KMO: variants seen among roughly 807,000 people sequenced by gnomAD.
The protein encoded by KMO is kynurenine 3-hydroxylase.
In KMO, 24 loss-of-function variants were observed where a neutral mutation model predicts 57.8. The observed-to-expected ratio is 0.42, with a 90% CI of 0.30 to 0.58. The LOEUF (loss-of-function observed/expected upper bound fraction) is 0.58. Ranked by LOEUF, KMO falls within the 20% of genes least tolerant of loss-of-function variation. KMO has a pLI of 0.22. For synonymous variants in KMO, 210 were observed against 193.6 expected (o/e 1.08, Z -0.70); for missense variants, 483 against 588.2 (o/e 0.82, Z 1.85).
chr1:241,589,444 T>C (rs988653396), intron 12 of KMO, among the ~76,000 whole-genome samples: 2 of 152,220 alleles, frequency 1.3e-5, no homozygotes, highest in East Asian at 1.9e-4. Context: ...GACCAGCTAT[T>C]TGCCATCTCT....
intron 1 of KMO, among the ~76,000 whole-genome samples, chr1:241,541,148 G>A (rs925224278): frequency 7.2e-5 from 11 of 152,064 alleles, no homozygotes; most frequent in East Asian, 3.9e-4. Flanking sequence ...ATTAGAAAAC[G>A]GTTGCAGTAG....
At chr1:241,587,502 G>T (rs1190979102) in intron 11 of KMO, among the ~76,000 whole-genome samples, 1 of 152,062 alleles carries the variant, frequency 6.6e-6, no homozygotes, top group Non-Finnish European at 1.5e-5. Context: ...CATCGCCCAG[G>T]CTGAAGTTCA....
intron 10 of KMO, among the ~76,000 whole-genome samples, chr1:241,582,633 G>A (rs1241114196): frequency 6.6e-6 from 1 of 152,028 alleles, no homozygotes; most frequent in Non-Finnish European, 1.5e-5. Flanking sequence ...CAATCTCTTT[G>A]TTAAATTTAT....
rs1186553856 is a variant in KMO at position 241,591,906 on chromosome 1, AT to A, written c.1261-43del. The A allele has an allele frequency of 3.3e-6, 5 of 1,506,438 alleles. No homozygotes were observed. In the South Asian group the frequency reaches 4.6e-5, roughly 14 times the overall value. The allele number at this position is 1,506,438 out of a possible 1,614,324, so 93.3% of individuals were successfully genotyped here. The stretch of plus-strand genomic sequence containing the variant: ...GTTAAAAAATGAAGTCTATTTTCAG[AT>A]TTTAATCTCTGGACAAATGAAATGA... On this transcript the variant is annotated intron_variant, in intron 14 of 14. Coordinates refer to ENST00000366559, the MANE Select transcript of KMO (RefSeq NM_003679.5).
intron 1 of KMO, among the ~76,000 whole-genome samples, chr1:241,546,686 A>G (rs1428541709): frequency 1.3e-5 from 2 of 152,156 alleles, no homozygotes; most frequent in Non-Finnish European, 2.9e-5. Flanking sequence ...TCACTTACAT[A>G]GGGAATATGT....
rs1026587582 is a variant in KMO at position 241,593,214 on chromosome 1, A to G, written c.*1061A>G. 3.2e-5 allele frequency: 8 copies of G among 253,394 alleles called. No individual in the cohort carries two copies. The highest frequency in any genetic ancestry group is 1.7e-4 in the African/African-American group (8 of 45,754). The allele number at this position is 253,394 out of a possible 1,614,324, so 15.7% of individuals were successfully genotyped here. ...AAGGGGAGACAACTTTTATAGAAAT[A>G]CAAAGCCATTACTTTATTCAATTTC... On this transcript the variant is annotated 3_prime_UTR_variant, in exon 15 of 15. Transcript: ENST00000366559.
Position 241,594,971 on chromosome 1 carries a change from C to A in KMO, c.*2818C>A. The A allele has an allele frequency of 3.0e-6, 1 of 330,196 alleles. No individual in the cohort carries two copies. The allele number at this position is 330,196 out of a possible 1,614,324, so 20.5% of individuals were successfully genotyped here. A position where few individuals can be genotyped will look rare whatever the true frequency, so the allele number is the denominator to read the frequency against. ...CACACACTTTCTATGAGGGCAGGTA[C>A]AACTATTAAGAGATTTTGAACATTA... On this transcript the variant is annotated 3_prime_UTR_variant, in exon 15 of 15. Transcript: ENST00000366559.
chr1:241,575,128 T>G (rs1194965222), intron 10 of KMO, among the ~76,000 whole-genome samples: 3 of 152,074 alleles, frequency 2.0e-5, no homozygotes, highest in African/African-American at 7.2e-5. Context: ...CAGTTTCATT[T>G]CTAATTGAGC....
chr1:241,568,399 C>A, intron 9 of KMO, 101 bp from the exon 10 acceptor site: 2 of 1,199,398 alleles, frequency 1.7e-6, no homozygotes, highest in South Asian at 1.4e-5. Context: ...TCTTGTTTTT[C>A]AACAAAACTT....
intron 10 of KMO, among the ~76,000 whole-genome samples, chr1:241,581,742 CTTGTAATTATTATTT>C (rs768037738): frequency 6.6e-6 from 1 of 151,988 alleles, no homozygotes; most frequent in Non-Finnish European, 1.5e-5. Flanking sequence ...CTAAAAAGTT[CTTGTAATTATTATTT>C]TTGATAAATG....
At chr1:241,580,080 T>C (rs1396608669) in intron 10 of KMO, among the ~76,000 whole-genome samples, 1 of 152,186 alleles carries the variant, frequency 6.6e-6, no homozygotes, top group Non-Finnish European at 1.5e-5. Context: ...GGGATTTATA[T>C]CCTGGAGGCA....
chr1:241,587,083 C>T (rs748222145), intron 11 of KMO, among the ~76,000 whole-genome samples: 2 of 152,124 alleles, frequency 1.3e-5, no homozygotes, highest in Non-Finnish European at 2.9e-5. Flanking sequence ...ACAGTCCCAA[C>T]GTTTTGGCAC....
Position 241,592,461 on chromosome 1 carries a change from A to G in KMO, c.*308A>G. On this transcript the variant is annotated 3_prime_UTR_variant, in exon 15 of 15. Transcript: ENST00000366559. Reference sequence around the variant, plus strand: ...CCCTAGATGCCTCAGGGAAGACAGTAATCATGCCTTTTCTTTAAAAGACAC... The same window carrying G: ...CCCTAGATGCCTCAGGGAAGACAGTGATCATGCCTTTTCTTTAAAAGACAC... The G allele has an allele frequency of 2.9e-6, 1 of 340,804 alleles. No individual in the cohort carries two copies. Among genetic ancestry groups the G allele is most frequent in the East Asian group, 6.9e-5 (1 of 14,462 alleles). The allele number at this position is 340,804 out of a possible 1,614,324, so 21.1% of individuals were successfully genotyped here. A position where few individuals can be genotyped will look rare whatever the true frequency, so the allele number is the denominator to read the frequency against.
chr1:241,566,451 GC>G, intron 8 of KMO, 39 bp from the exon 9 acceptor site: 1 of 1,588,126 alleles, frequency 6.3e-7, no homozygotes. Flanking sequence ...GCGTCACTTG[GC>G]CCCCATCCCC....
chr1:241,553,975 T>C (rs927756416), intron 4 of KMO, among the ~76,000 whole-genome samples: 1 of 152,190 alleles, frequency 6.6e-6, no homozygotes, highest in Non-Finnish European at 1.5e-5. Context: ...GTATATGTGT[T>C]AAAAATATTT....
chr1:241,590,594 C>A (rs965510918), intron 14 of KMO, among the ~76,000 whole-genome samples: 2 of 152,144 alleles, frequency 1.3e-5, no homozygotes, highest in Non-Finnish European at 2.9e-5. Flanking sequence ...TAAAATTAGA[C>A]AGAACTGAAT....
At chr1:241,578,333 A>G (rs1285603198) in intron 10 of KMO, among the ~76,000 whole-genome samples, 1 of 152,082 alleles carries the variant, frequency 6.6e-6, no homozygotes, top group Non-Finnish European at 1.5e-5. Flanking sequence ...TAAACTTCCC[A>G]CCAGCAGAAA....
At chr1:241,588,904 T>C in intron 12 of KMO, 74 bp downstream of exon 12, 1 of 1,118,544 alleles carries the variant, frequency 8.9e-7, no homozygotes, top group South Asian at 1.3e-5. Flanking sequence ...TTCTTTTTCT[T>C]TGCTTCAGCC....
At chr1:241,548,771 TA>T in intron 1 of KMO, 57 bp from the exon 2 acceptor site, 1 of 1,095,728 alleles carries the variant, frequency 9.1e-7, no homozygotes, top group Non-Finnish European at 1.4e-6. Flanking sequence ...ATTTTGCTGC[TA>T]AAAATTCCCT....
Sources: allele counts gnomAD v4.1 joint callset (sites outside exome capture counted in the v4.1 genomes callset), GRCh38; gene constraint gnomAD v4.1.1; transcripts MANE v1.5; gene names NCBI Gene and HGNC (gene_info 2026-07-23, HGNC 2026-07-21).